ATP8B1: variants seen among roughly 807,000 people sequenced by gnomAD.
The protein encoded by ATP8B1 is ATPase phospholipid transporting 8B1, also known as phospholipid-transporting ATPase IC.
Under a neutral mutation model 149.9 loss-of-function variants are expected in ATP8B1, and 80 were observed. That is an observed-to-expected ratio of 0.53 (90% CI 0.45 to 0.64). ATP8B1 has a LOEUF of 0.64. ATP8B1 is among the 30% of genes least tolerant of loss of function. The pLI, the probability that ATP8B1 is intolerant of heterozygous loss-of-function variation, is 0.00. For missense variants in ATP8B1, 1,247 were observed against 1,552.6 expected (o/e 0.80, Z 3.31); for synonymous variants, 536 against 562.8 (o/e 0.95, Z 0.67).
chr18:57,669,407 T>C lies in ATP8B1; in HGVS notation c.2008A>G (p.Asn670Asp). Reference sequence around the variant, plus strand: ...ACACTGGCAGCCATAAACTTTTTATTCCATTCTGTAAATTCTTTTTCTTCA... The same window carrying C: ...ACACTGGCAGCCATAAACTTTTTATCCCATTCTGTAAATTCTTTTTCTTCA... ...EIEEKEFTEW[N>D]KKFMAASVAS... Residue 670 changes from asparagine to aspartate, a missense_variant, in exon 18 of 28, where the codon AAT becomes GAT. Asn to Asp is a conservative substitution (Grantham distance 23). Coordinates refer to ENST00000648908, the MANE Select transcript of ATP8B1 (RefSeq NM_001374385.1). 1.2e-6 allele frequency: 2 copies of C among 1,613,890 alleles called. No homozygotes were observed. The highest frequency in any genetic ancestry group is 4.5e-5 in the East Asian group (2 of 44,862).
intron 15 of ATP8B1, among the ~76,000 whole-genome samples, chr18:57,681,936 C>T (rs1389503750): frequency 6.6e-6 from 1 of 152,048 alleles, no homozygotes; most frequent in African/African-American, 2.4e-5. Context: ...TGTCTCTATT[C>T]GTACAACCCT....
intron 1 of ATP8B1, among the ~76,000 whole-genome samples, chr18:57,748,060 C>A (rs1285051254): frequency 1.3e-5 from 2 of 152,100 alleles, no homozygotes; most frequent in Non-Finnish European, 2.9e-5. Context: ...GGAGTGTGTC[C>A]AAGCTTCTCC....
chr18:57,695,571 T>G, intron 8 of ATP8B1, 39 bp from the exon 9 acceptor site: 1 of 1,528,094 alleles, frequency 6.5e-7, no homozygotes, highest in Non-Finnish European at 9.1e-7. Context: ...ATGAACAAAT[T>G]TTTGAGTTCA....
At chr18:57,738,366 G>A (rs1483907549) in intron 1 of ATP8B1, among the ~76,000 whole-genome samples, 1 of 152,242 alleles carries the variant, frequency 6.6e-6, no homozygotes, top group East Asian at 1.9e-4. Flanking sequence ...GCTCACGCCT[G>A]TAATCCCAGC....
chr18:57,648,800 A>G, intron 27 of ATP8B1, 88 bp from the exon 28 acceptor site: 1 of 1,326,318 alleles, frequency 7.5e-7, no homozygotes, highest in Non-Finnish European at 1.0e-6. Context: ...ATGAACACTG[A>G]TGAACTCCCC....
chr18:57,655,265 A>G lies in ATP8B1; in HGVS notation c.2860T>C (p.Phe954Leu). Residue 954 changes from phenylalanine to leucine, a missense_variant, in exon 23 of 28, where the codon TTC becomes CTC. Phe to Leu is a conservative substitution (Grantham distance 22, BLOSUM62 0). Around this residue, in one of 3 missense-constraint regions of ATP8B1, gnomAD observed 230 missense variants for 356.6 expected, o/e 0.65. Coordinates refer to ENST00000648908, the MANE Select transcript of ATP8B1 (RefSeq NM_001374385.1). The part of the protein sequence containing the change: ...YIRMCKFLRY[F>L]FYKNFAFTLV... ...GTAAAGGCAAAGTTTTTGTAAAAGAAGTATCGTAGGAACTTGCACATCCTT... is the reference window on the plus strand; with the variant it reads ...GTAAAGGCAAAGTTTTTGTAAAAGAGGTATCGTAGGAACTTGCACATCCTT... 1 of 1,614,240 alleles carries G rather than the reference A, an allele frequency of 6.2e-7. No individual in the cohort carries two copies. The highest frequency in any genetic ancestry group is 8.5e-7 in the Non-Finnish European group (1 of 1,180,040).
intron 11 of ATP8B1, 89 bp downstream of exon 11, chr18:57,694,486 AAAGAGGT>A (rs761830685): frequency 1.7e-5 from 15 of 869,306 alleles, no homozygotes; most frequent in Non-Finnish European, 2.6e-5. Context: ...TATTCCACCT[AAAGAGGT>A]AAGATTTTGT....
chr18:57,657,064 T>G (rs1207569908), intron 22 of ATP8B1, among the ~76,000 whole-genome samples: 1 of 152,062 alleles, frequency 6.6e-6, no homozygotes, highest in Admixed American at 6.6e-5. Flanking sequence ...TGTGCCATGG[T>G]GGTTTGCTGC....
intron 17 of ATP8B1, among the ~76,000 whole-genome samples, chr18:57,670,143 C>T (rs1599095307): frequency 6.6e-6 from 1 of 152,008 alleles, no homozygotes; most frequent in South Asian, 2.1e-4. Flanking sequence ...GACATAAGCA[C>T]GAACCTGACA....
At chr18:57,698,362 G>C (rs1248914460) in intron 6 of ATP8B1, among the ~76,000 whole-genome samples, 1 of 150,116 alleles carries the variant, frequency 6.7e-6, no homozygotes, top group East Asian at 2.0e-4. Flanking sequence ...TTTTTTCATT[G>C]AGACAGAGTC....
intron 1 of ATP8B1, among the ~76,000 whole-genome samples, chr18:57,769,217 G>A (rs1263539862): frequency 2.6e-5 from 4 of 152,124 alleles, no homozygotes; most frequent in African/African-American, 9.7e-5. Flanking sequence ...AGGCCTGGCC[G>A]CCATTCCCTA....
intron 1 of ATP8B1, among the ~76,000 whole-genome samples, chr18:57,793,860 C>G (rs1277754745): frequency 1.3e-5 from 2 of 152,160 alleles, no homozygotes; most frequent in Admixed American, 6.5e-5. Context: ...CTCAAAGATT[C>G]AGGGCATGTT....
intron 11 of ATP8B1, among the ~76,000 whole-genome samples, chr18:57,692,468 C>G (rs1912588301): frequency 8.8e-6 from 1 of 114,104 alleles, no homozygotes; most frequent in South Asian, 3.0e-4. Flanking sequence ...CAGCGTCTCA[C>G]TGTATCACCC....
chr18:57,765,977 GAA>G (rs71171092), intron 1 of ATP8B1, among the ~76,000 whole-genome samples: 28 of 146,224 alleles, frequency 1.9e-4, no homozygotes, highest in African/African-American at 6.5e-4. Context: ...GTCTCAAAAA[GAA>G]AAAAAAAAAT....
intron 11 of ATP8B1, among the ~76,000 whole-genome samples, chr18:57,692,916 G>A (rs319448): frequency 0.52 from 79,251 of 152,014 alleles, 22,382 homozygotes; most frequent in East Asian, 0.68. Flanking sequence ...CATCCTAGTG[G>A]TACTTGGAGA....
At chr18:57,732,123 ATATGTG>A (rs2079773702) in intron 1 of ATP8B1, 3 of 15,094 alleles carry the variant, frequency 2.0e-4, no homozygotes, top group African/African-American at 7.1e-4. Context: ...ATATGTATAT[ATATGTG>A]TATATGTATA....
intron 2 of ATP8B1, among the ~76,000 whole-genome samples, chr18:57,719,552 C>A (rs1037036805): frequency 9.2e-5 from 14 of 152,176 alleles, no homozygotes; most frequent in Non-Finnish European, 1.8e-4. Context: ...CTTTTCAGAC[C>A]GGCTTGAAAA....
At chr18:57,795,040 G>A (rs2080499661) in intron 1 of ATP8B1, among the ~76,000 whole-genome samples, 1 of 152,088 alleles carries the variant, frequency 6.6e-6, no homozygotes, top group Admixed American at 6.6e-5. Flanking sequence ...AATAAGGGGG[G>A]CTCAAAAACT....
intron 19 of ATP8B1, chr18:57,667,860 C>T (rs1158789520): frequency 1.4e-5 from 3 of 216,120 alleles, no homozygotes; most frequent in East Asian, 1.2e-4. Flanking sequence ...CTTCCCATAA[C>T]TTTGCAGAGT....
Sources: allele counts gnomAD v4.1 joint callset (sites outside exome capture counted in the v4.1 genomes callset), GRCh38; gene constraint gnomAD v4.1.1; regional missense constraint gnomAD v4.1.1; transcripts MANE v1.5; gene names NCBI Gene and HGNC (gene_info 2026-07-23, HGNC 2026-07-21).